The following VAV2 variants were observed in gnomAD, a reference collection of about 807,000 sequenced individuals.
The protein encoded by VAV2 is vav guanine nucleotide exchange factor 2, also known as guanine nucleotide exchange factor VAV2.
A neutral mutation model predicts 132.5 loss-of-function variants in VAV2; 67 were observed. The ratio of observed to expected loss-of-function variants is 0.51; its 90% CI spans 0.42 to 0.62. The LOEUF is 0.62. VAV2 is among the 20% of genes least tolerant of loss of function. The pLI, the probability that VAV2 is intolerant of heterozygous loss-of-function variation, is 0.00. For synonymous variants in VAV2, 492 were observed against 443.5 expected (o/e 1.11, Z -1.37); for missense variants, 938 against 1,153.6 (o/e 0.81, Z 2.71).
intron 2 of VAV2, among the ~76,000 whole-genome samples, chr9:133,893,911 C>A (rs809151): frequency 3.9e-5 from 6 of 152,182 alleles, no homozygotes; most frequent in Non-Finnish European, 8.8e-5. Flanking sequence ...CTGGACCTCA[C>A]GGATCCTCAC....
At chr9:133,793,088 G>GTT (rs755155768) in intron 12 of VAV2, among the ~76,000 whole-genome samples, 59 of 152,092 alleles carry the variant, frequency 3.9e-4, no homozygotes, top group Non-Finnish European at 7.9e-4. Flanking sequence ...ACAGAATGAG[G>GTT]GGTCAGGAAG....
At chr9:133,773,529 T>C (rs1833709333) in intron 25 of VAV2, among the ~76,000 whole-genome samples, 1 of 152,248 alleles carries the variant, frequency 6.6e-6, no homozygotes, top group South Asian at 2.1e-4. Flanking sequence ...AACTTCTTAA[T>C]TTTTGTTAAC....
chr9:133,853,171 T>C lies in VAV2; in HGVS notation c.380+8203A>G, dbSNP rs145660970. The stretch of plus-strand genomic sequence containing the variant: ...CTTCTCCGTGGGGCCAGGTGCACAC[T>C]CCTGGTGGCCAGTGGGCCAGGTTGT... On this transcript the variant is annotated intron_variant, in intron 3 of 29. Transcript: ENST00000371850. Among the ~76,000 whole-genome samples, 597 of 152,310 alleles carry C rather than the reference T, an allele frequency of 3.9e-3. 7 individuals are homozygous for C. The highest frequency in any genetic ancestry group is 0.024 in the Middle Eastern group (7 of 294).
chr9:133,971,860 C>T (rs972126082), intron 1 of VAV2, among the ~76,000 whole-genome samples: 4 of 152,156 alleles, frequency 2.6e-5, no homozygotes, highest in African/African-American at 4.8e-5. Flanking sequence ...ACAGCATCCC[C>T]GTAGAGTGCA....
chr9:133,891,642 TG>T (rs1323038491), intron 2 of VAV2, among the ~76,000 whole-genome samples: 3 of 1,184 alleles, frequency 2.5e-3, no homozygotes, highest in African/African-American at 4.9e-3. Flanking sequence ...GGGCGGGGGA[TG>T]GGGGAGGGAT....
At position 133,895,719 on chromosome 9, in the gene VAV2, G is replaced by A. The variant is rs1362784269; in HGVS notation, c.322-34287C>T. Among the ~76,000 whole-genome samples the A allele has an allele frequency of 5.9e-5, 9 of 152,188 alleles. No homozygotes were observed. The South Asian group carries it at 1.9e-3, about 32-fold the overall frequency. ...GTAATGAAAGCGTTTTAAAATTAGT[G>A]GTGGATACATGGCCTTGTGAATACA... On this transcript the variant is annotated intron_variant, in intron 2 of 29. Coordinates refer to ENST00000371850, the MANE Select transcript of VAV2 (RefSeq NM_001134398.2).
intron 4 of VAV2, among the ~76,000 whole-genome samples, chr9:133,829,506 C>T (rs1342293107): frequency 3.3e-5 from 5 of 152,252 alleles, no homozygotes; most frequent in African/African-American, 9.6e-5. Flanking sequence ...CGCCCAAGTG[C>T]GAGCTCCATA....
intron 2 of VAV2, among the ~76,000 whole-genome samples, chr9:133,861,673 A>ATGC (rs1185812756): frequency 3.9e-5 from 6 of 152,318 alleles, no homozygotes; most frequent in African/African-American, 1.4e-4. Flanking sequence ...TCCTGTGGCC[A>ATGC]TGCTGCTAAC....
Position 133,863,088 on chromosome 9 carries a change from C to A in VAV2, c.322-1656G>T, listed in dbSNP as rs1052333177. Among the ~76,000 whole-genome samples, 1 of 152,210 alleles carries A rather than the reference C, an allele frequency of 6.6e-6. No individual in the cohort carries two copies. Among genetic ancestry groups the A allele is most frequent in the African/African-American group, 2.4e-5 (1 of 41,448 alleles). On this transcript the variant is annotated intron_variant, in intron 2 of 29. Coordinates refer to ENST00000371850, the MANE Select transcript of VAV2 (RefSeq NM_001134398.2). This position sits in a 1 kb window ranked among gnomAD's most constrained non-coding sequence, Gnocchi z 5.0. Reference sequence around the variant, plus strand: ...TGCTGATGCTACAAGGGGCCTTTCACAAGTAATGAGGAACTTGGCTCTGGA... The same window carrying A: ...TGCTGATGCTACAAGGGGCCTTTCAAAAGTAATGAGGAACTTGGCTCTGGA...
intron 1 of VAV2, among the ~76,000 whole-genome samples, chr9:133,987,415 G>A (rs913373187): frequency 1.3e-5 from 2 of 152,258 alleles, no homozygotes; most frequent in African/African-American, 4.8e-5. Flanking sequence ...GCTCCTACAG[G>A]AAGAACCAGG....
At chr9:133,837,413 C>T (rs767524432) in intron 3 of VAV2, among the ~76,000 whole-genome samples, 12 of 152,142 alleles carry the variant, frequency 7.9e-5, no homozygotes, top group East Asian at 1.9e-4. Flanking sequence ...AACCTTTTGT[C>T]GGCCAGGCGC....
At chr9:133,916,506 A>G (rs1035601119) in intron 2 of VAV2, among the ~76,000 whole-genome samples, 3 of 151,348 alleles carry the variant, frequency 2.0e-5, no homozygotes, top group African/African-American at 7.3e-5. Flanking sequence ...AAGTGCTGGG[A>G]CTCTTGCTGG....
intron 1 of VAV2, among the ~76,000 whole-genome samples, chr9:133,967,024 G>C (rs1471370582): frequency 9.5e-6 from 1 of 105,186 alleles, no homozygotes; most frequent in Non-Finnish European, 1.8e-5. Flanking sequence ...GACTGAGCAA[G>C]ACTTTGTCTC....
chr9:133,765,739 C>T (rs1424018454), intron 29 of VAV2, among the ~76,000 whole-genome samples: 1 of 152,076 alleles, frequency 6.6e-6, no homozygotes, highest in Non-Finnish European at 1.5e-5. Flanking sequence ...AGGGGAATGT[C>T]CTTGGTCTTA....
At chr9:133,807,436 C>T (rs1441956172) in intron 7 of VAV2, 110 bp from the exon 8 acceptor site, 3 of 1,110,010 alleles carry the variant, frequency 2.7e-6, no homozygotes, top group African/African-American at 3.2e-5. Flanking sequence ...CACTGGGGTG[C>T]TCCATGCTTA....
chr9:133,918,393 C>T lies in VAV2; in HGVS notation c.321+20710G>A, dbSNP rs942910510. On this transcript the variant is annotated intron_variant, in intron 2 of 29. Coordinates refer to ENST00000371850, the MANE Select transcript of VAV2 (RefSeq NM_001134398.2). The surrounding 1 kb of genome is among the most constrained non-coding windows in gnomAD (Gnocchi z 4.7). The stretch of plus-strand genomic sequence containing the variant: ...CCGGACCCAGGCCCAGCTGCTAGCC[C>T]GGGCTACCACCACCACCAGGAAACA... Among the ~76,000 whole-genome samples, 3 of 151,854 alleles carry T rather than the reference C, an allele frequency of 2.0e-5. No homozygotes were observed. Among genetic ancestry groups the T allele is most frequent in the East Asian group, 3.9e-4 (2 of 5,148 alleles).
In VAV2 at chr9:133,942,187, G is replaced by A. The variant is rs181414421; in HGVS notation, c.205-2968C>T. ...AAAGATTAATTAGAAGAGACACAGA[G>A]AGACATGGAGACACAGACCCACGAG... On this transcript the variant is annotated intron_variant, in intron 1 of 29. Coordinates refer to ENST00000371850, the MANE Select transcript of VAV2 (RefSeq NM_001134398.2). Among the ~76,000 whole-genome samples the A allele has an allele frequency of 9.8e-4, 150 of 152,370 alleles. 1 individual carries two copies. The highest frequency in any genetic ancestry group is 3.5e-3 in the African/African-American group (146 of 41,594).
chr9:133,939,563 G>A (rs1841059030), intron 1 of VAV2, among the ~76,000 whole-genome samples: 1 of 152,222 alleles, frequency 6.6e-6, no homozygotes, highest in Non-Finnish European at 1.5e-5. Context: ...CGTAGGTCAG[G>A]GCGGCAAGGC....
Position 133,885,589 on chromosome 9 carries a change from G to T in VAV2, c.322-24157C>A, listed in dbSNP as rs535935637. Among the ~76,000 whole-genome samples, 12 of 152,296 alleles carry T rather than the reference G, an allele frequency of 7.9e-5. No homozygotes were observed. Among genetic ancestry groups the T allele is most frequent in the African/African-American group, 2.6e-4 (11 of 41,564 alleles). On this transcript the variant is annotated intron_variant, in intron 2 of 29. Transcript: ENST00000371850. The surrounding 1 kb of genome is among the most constrained non-coding windows in gnomAD (Gnocchi z 5.0). The stretch of plus-strand genomic sequence containing the variant: ...CAAGCAAGGTGCTCAGGCCGCAGGG[G>T]AGACGTGACCCCAGGGCGGACCCCT...
Sources: allele counts gnomAD v4.1 joint callset (sites outside exome capture counted in the v4.1 genomes callset), GRCh38; gene constraint gnomAD v4.1.1; non-coding constraint Gnocchi (gnomAD v3.1); transcripts MANE v1.5; gene names NCBI Gene and HGNC (gene_info 2026-07-23, HGNC 2026-07-21).